The following PTPRM variants were observed in gnomAD, a reference collection of about 807,000 sequenced individuals.
PTPRM encodes the protein protein tyrosine phosphatase receptor type M.
Under a neutral mutation model 186.7 loss-of-function variants are expected in PTPRM, and 47 were observed. The observed-to-expected ratio is 0.25, with a 90% CI of 0.20 to 0.32. The LOEUF (loss-of-function observed/expected upper bound fraction) is 0.32, where lower values mean the gene tolerates loss of function less well. Among genes scored for constraint, PTPRM ranks in the 10% least tolerant of loss-of-function variants. The pLI is 1.00. For missense variants in PTPRM, 1,494 were observed against 1,865.0 expected (o/e 0.80, Z 3.66); for synonymous variants, 668 against 674.9 (o/e 0.99, Z 0.16).
At chr18:8,370,851 C>G (rs750482196) in intron 23 of PTPRM, 39 bp from the exon 24 acceptor site, 1 of 1,376,282 alleles carries the variant, frequency 7.3e-7, no homozygotes, top group Admixed American at 2.2e-5. Context: ...CCAAAAAAAC[C>G]AAACTGTAAA....
intron 1 of PTPRM, among the ~76,000 whole-genome samples, chr18:7,629,793 A>C (rs1463285817): frequency 6.6e-6 from 1 of 152,140 alleles, no homozygotes; most frequent in Non-Finnish European, 1.5e-5. Context: ...AGACCCACAC[A>C]CTCAAAATAC....
At chr18:7,794,469 A>T (rs903197150) in intron 2 of PTPRM, among the ~76,000 whole-genome samples, 1 of 152,080 alleles carries the variant, frequency 6.6e-6, no homozygotes, top group Non-Finnish European at 1.5e-5. Context: ...TTTCATTATG[A>T]TGTTGAGTTC....
intron 2 of PTPRM, among the ~76,000 whole-genome samples, chr18:7,816,436 C>G (rs2044829315): frequency 6.6e-6 from 1 of 152,050 alleles, no homozygotes; most frequent in African/African-American, 2.4e-5. Flanking sequence ...TTGTAAGTTG[C>G]AAAATAGGAA....
intron 14 of PTPRM, among the ~76,000 whole-genome samples, chr18:8,233,883 C>T (rs1395414026): frequency 6.6e-5 from 10 of 152,126 alleles, no homozygotes. Context: ...AGTTGTTCCA[C>T]CACCATTTGT....
At chr18:8,102,076 G>A (rs1210247173) in intron 11 of PTPRM, among the ~76,000 whole-genome samples, 1 of 152,144 alleles carries the variant, frequency 6.6e-6, no homozygotes, top group Non-Finnish European at 1.5e-5. Flanking sequence ...TCTGTTAAGT[G>A]AGCAATAGCA....
At chr18:8,006,605 AACC>A (rs1237161044) in intron 7 of PTPRM, among the ~76,000 whole-genome samples, 1 of 152,164 alleles carries the variant, frequency 6.6e-6, no homozygotes, top group African/African-American at 2.4e-5. Flanking sequence ...TTCTCCAGGA[AACC>A]ATGGGTAGAA....
intron 32 of PTPRM, among the ~76,000 whole-genome samples, chr18:8,397,544 G>A (rs2095851157): frequency 6.6e-6 from 1 of 152,210 alleles, no homozygotes; most frequent in Non-Finnish European, 1.5e-5. Flanking sequence ...AGCAGGGGCA[G>A]CTGCATTTTT....
chr18:8,240,642 AG>A (rs2094413332), intron 14 of PTPRM, among the ~76,000 whole-genome samples: 5 of 32,736 alleles, frequency 1.5e-4, no homozygotes, highest in African/African-American at 1.7e-4. Context: ...AGAGAGAGAG[AG>A]AGAGAGAGAG....
chr18:7,780,933 T>C (rs1457821484), intron 2 of PTPRM, among the ~76,000 whole-genome samples: 1 of 151,154 alleles, frequency 6.6e-6, no homozygotes, highest in Non-Finnish European at 1.5e-5. Context: ...GGGGTGGGAG[T>C]CAGACCACAT....
intron 22 of PTPRM, among the ~76,000 whole-genome samples, chr18:8,332,468 G>C (rs1186192939): frequency 6.6e-6 from 1 of 152,148 alleles, no homozygotes; most frequent in African/African-American, 2.4e-5. Context: ...TAAGTATGTA[G>C]AGAAAGCCAC....
chr18:7,986,050 A>C (rs916182812), intron 7 of PTPRM, among the ~76,000 whole-genome samples: 19 of 152,192 alleles, frequency 1.2e-4, no homozygotes, highest in African/African-American at 4.6e-4. Context: ...CCTTTGTCTC[A>C]AAATTATGCT....
chr18:7,908,829 A>G (rs1036352310), intron 4 of PTPRM, among the ~76,000 whole-genome samples: 19 of 152,246 alleles, frequency 1.2e-4, no homozygotes, highest in Non-Finnish European at 1.5e-4. Flanking sequence ...GCTGGAACTC[A>G]GCCAAATCCT....
intron 14 of PTPRM, among the ~76,000 whole-genome samples, chr18:8,223,769 A>G (rs531835425): frequency 2.0e-5 from 3 of 152,368 alleles, no homozygotes; most frequent in East Asian, 1.9e-4. Flanking sequence ...ACGCCAATCT[A>G]TATCAGCTTT....
chr18:8,183,898 A>G (rs532003305), intron 14 of PTPRM, among the ~76,000 whole-genome samples: 1 of 152,354 alleles, frequency 6.6e-6, no homozygotes, highest in East Asian at 1.9e-4. Flanking sequence ...GAAATCTGAC[A>G]TGGGGCACAG....
intron 13 of PTPRM, among the ~76,000 whole-genome samples, chr18:8,115,901 TG>T (rs1204810999): frequency 6.6e-6 from 1 of 152,238 alleles, no homozygotes; most frequent in Non-Finnish European, 1.5e-5. Flanking sequence ...GCATGTTTTG[TG>T]CCAGGCATTG....
intron 19 of PTPRM, among the ~76,000 whole-genome samples, chr18:8,290,502 C>G (rs183728106): frequency 9.2e-5 from 14 of 151,988 alleles, no homozygotes; most frequent in Admixed American, 4.6e-4. Context: ...ATAATTATAT[C>G]CTGTGGAAAA....
intron 7 of PTPRM, among the ~76,000 whole-genome samples, chr18:7,974,682 C>T (rs1274058326): frequency 6.6e-6 from 1 of 152,132 alleles, no homozygotes; most frequent in Non-Finnish European, 1.5e-5. Context: ...GGCTGGCTCT[C>T]TTTGTGGTGA....
chr18:7,906,465 C>CA, intron 3 of PTPRM, 40 bp from the exon 4 acceptor site: 1 of 1,500,698 alleles, frequency 6.7e-7, no homozygotes, highest in South Asian at 1.1e-5. Context: ...AAAAGTAAGA[C>CA]AAAATGAATA....
intron 14 of PTPRM, among the ~76,000 whole-genome samples, chr18:8,188,825 C>CTAAG (rs908206785): frequency 1.3e-4 from 20 of 152,042 alleles, no homozygotes; most frequent in Admixed American, 1.0e-3. Context: ...CACCCCAGAC[C>CTAAG]TAAGACCTAC....
Sources: gnomAD v4.1 joint callset for allele counts (sites outside exome capture counted in the v4.1 genomes callset) on GRCh38, gnomAD v4.1.1 for gene constraint, MANE v1.5 for transcripts, NCBI Gene and HGNC (gene_info 2026-07-23, HGNC 2026-07-21) for gene names.